Variants in CADM2 observed in about 807,000 individuals in gnomAD.
CADM2 encodes cell adhesion molecule 2.
CADM2 carries 12 observed loss-of-function variants against 49.8 expected under a neutral mutation model. That is an observed-to-expected ratio of 0.24 (90% CI 0.15 to 0.39). The LOEUF (loss-of-function observed/expected upper bound fraction) is 0.39, where lower values mean the gene tolerates loss of function less well. Among genes scored for constraint, CADM2 ranks in the 10% least tolerant of loss-of-function variants. The probability of loss-of-function intolerance (pLI) is 1.00; values close to 1 mark genes in which losing one functional copy is unlikely to be tolerated. For missense variants in CADM2, 378 were observed against 492.3 expected (o/e 0.77, Z 2.20); for synonymous variants, 214 against 175.4 (o/e 1.22, Z -1.74).
At chr3:85,273,886 A>G (rs1279309690) in intron 1 of CADM2, among the ~76,000 whole-genome samples, 1 of 151,458 alleles carries the variant, frequency 6.6e-6, no homozygotes, top group Admixed American at 6.6e-5. Flanking sequence ...GGTTACGTCC[A>G]GTCTGTGCTC....
intron 3 of CADM2, among the ~76,000 whole-genome samples, chr3:85,839,678 T>G (rs2074556947): frequency 6.6e-6 from 1 of 151,732 alleles, no homozygotes; most frequent in Admixed American, 6.6e-5. Context: ...TATCTCATAA[T>G]TGCAAATATG....
intron 6 of CADM2, among the ~76,000 whole-genome samples, chr3:85,927,261 C>T (rs1719992348): frequency 6.6e-6 from 1 of 152,100 alleles, no homozygotes; most frequent in Non-Finnish European, 1.5e-5. Context: ...TCAACAATTA[C>T]TTAATTGAGG....
intron 1 of CADM2, among the ~76,000 whole-genome samples, chr3:85,047,093 G>A (rs1233518065): frequency 6.6e-6 from 1 of 152,132 alleles, no homozygotes; most frequent in Non-Finnish European, 1.5e-5. Context: ...GATTTTGCAA[G>A]ATATTCCATA....
At chr3:86,052,409 A>C (rs1737454262) in intron 8 of CADM2, among the ~76,000 whole-genome samples, 1 of 152,146 alleles carries the variant, frequency 6.6e-6, no homozygotes, top group African/African-American at 2.4e-5. Flanking sequence ...TAAGGTTGCC[A>C]TTTAAATTTT....
At chr3:84,967,483 T>C (rs1239677723) in intron 1 of CADM2, among the ~76,000 whole-genome samples, 6 of 152,148 alleles carry the variant, frequency 3.9e-5, no homozygotes, top group African/African-American at 1.2e-4. Context: ...TGAGAAATAA[T>C]GTATTATGAA....
At chr3:85,578,013 TTCCTTC>T (rs2062689363) in intron 1 of CADM2, among the ~76,000 whole-genome samples, 1 of 151,132 alleles carries the variant, frequency 6.6e-6, no homozygotes, top group Non-Finnish European at 1.5e-5. Context: ...CCTTCCTTCC[TTCCTTC>T]CTTCCTTCCT....
chr3:86,025,346 T>G (rs1733758920), intron 8 of CADM2, among the ~76,000 whole-genome samples: 2 of 152,152 alleles, frequency 1.3e-5, no homozygotes. Flanking sequence ...CATGAGCAAC[T>G]GTGCGCAGCC....
chr3:85,329,246 A>G (rs1353953559), intron 1 of CADM2, among the ~76,000 whole-genome samples: 1 of 152,108 alleles, frequency 6.6e-6, no homozygotes, highest in Non-Finnish European at 1.5e-5. Context: ...CTAAAAAACA[A>G]ATAACACAGG....
intron 5 of CADM2, among the ~76,000 whole-genome samples, chr3:85,903,178 T>C (rs1405479667): frequency 2.6e-5 from 4 of 152,144 alleles, no homozygotes; most frequent in Non-Finnish European, 4.4e-5. Flanking sequence ...ATAATTGTTT[T>C]ACATCATTAA....
chr3:85,942,422 G>A (rs1457037181), intron 7 of CADM2, among the ~76,000 whole-genome samples: 2 of 151,598 alleles, frequency 1.3e-5, no homozygotes, highest in African/African-American at 4.8e-5. Flanking sequence ...CCATGCTGGT[G>A]CGCTGCACCC....
At chr3:85,799,112 A>G (rs1437232915) in intron 2 of CADM2, among the ~76,000 whole-genome samples, 1 of 152,116 alleles carries the variant, frequency 6.6e-6, no homozygotes, top group Non-Finnish European at 1.5e-5. Flanking sequence ...ATTTTTGCAC[A>G]TTGATTTTGT....
At chr3:86,029,949 G>C (rs755586512) in intron 8 of CADM2, among the ~76,000 whole-genome samples, 8 of 152,130 alleles carry the variant, frequency 5.3e-5, no homozygotes, top group Non-Finnish European at 8.8e-5. Context: ...AGGAACAGGT[G>C]CTTTCTGAAA....
chr3:85,684,549 A>C (rs2066145689), intron 1 of CADM2, among the ~76,000 whole-genome samples: 1 of 152,128 alleles, frequency 6.6e-6, no homozygotes, highest in African/African-American at 2.4e-5. Context: ...GTTCATTTTC[A>C]TGCTGCTGGT....
intron 1 of CADM2, among the ~76,000 whole-genome samples, chr3:85,584,984 A>C (rs1477495618): frequency 6.6e-6 from 1 of 152,096 alleles, no homozygotes; most frequent in Non-Finnish European, 1.5e-5. Context: ...CCGCGGTTTC[A>C]CTTTCCATGG....
intron 8 of CADM2, among the ~76,000 whole-genome samples, chr3:85,999,869 T>TGA (rs1451921669): frequency 6.6e-6 from 1 of 151,894 alleles, no homozygotes; most frequent in Admixed American, 6.6e-5. Flanking sequence ...GAGAAGAAAA[T>TGA]GAGAGATATA....
At chr3:85,818,807 C>G (rs1279020080) in intron 3 of CADM2, among the ~76,000 whole-genome samples, 1 of 152,026 alleles carries the variant, frequency 6.6e-6, no homozygotes, top group Non-Finnish European at 1.5e-5. Flanking sequence ...GGTGTGACAT[C>G]ATGATGGCCT....
intron 2 of CADM2, among the ~76,000 whole-genome samples, chr3:85,748,362 C>T (rs1189748396): frequency 2.0e-5 from 3 of 151,974 alleles, no homozygotes; most frequent in Non-Finnish European, 2.9e-5. Context: ...AAGCAGACAG[C>T]ATTGCCAAAA....
chr3:84,960,469 A>G (rs2030382953), intron 1 of CADM2: 1 of 152,098 alleles, frequency 6.6e-6, no homozygotes, highest in Non-Finnish European at 1.5e-5. Flanking sequence ...TTTATTATTC[A>G]GTCTGTGTCG....
chr3:85,293,556 C>T (rs1416321619), intron 1 of CADM2, among the ~76,000 whole-genome samples: 1 of 126,748 alleles, frequency 7.9e-6, no homozygotes, highest in Non-Finnish European at 1.7e-5. Context: ...ACTGGCAAAA[C>T]GAATCCAGCA....
Sources: gnomAD v4.1 joint callset for allele counts (sites outside exome capture counted in the v4.1 genomes callset) on GRCh38, gnomAD v4.1.1 for gene constraint, MANE v1.5 for transcripts, NCBI Gene and HGNC (gene_info 2026-07-23, HGNC 2026-07-21) for gene names.